The following SMIM36 variants were observed in gnomAD, a reference collection of about 807,000 sequenced individuals.
SMIM36 encodes the protein small integral membrane protein 36.
chr17:55,501,436 TATTATAAAATATAATATATTATTATA>T (rs1909972794), intron 1 of SMIM36, among the ~76,000 whole-genome samples: 1 of 69,640 alleles, frequency 1.4e-5, no homozygotes, highest in African/African-American at 6.5e-5. Context: ...TATTATTATA[TATTATAAAATATAATATATTATTATA>T]TATTATATTT....
intron 1 of SMIM36, among the ~76,000 whole-genome samples, chr17:55,501,557 CATT>C (rs1309410209): frequency 1.1e-4 from 12 of 112,278 alleles, no homozygotes; most frequent in African/African-American, 3.9e-4. Flanking sequence ...TTATATATAT[CATT>C]ATATACATAA....
At chr17:55,499,696 TA>T (rs1909874151) in intron 1 of SMIM36, among the ~76,000 whole-genome samples, 1 of 152,082 alleles carries the variant, frequency 6.6e-6, no homozygotes, top group African/African-American at 2.4e-5. Flanking sequence ...AGTAATGAAT[TA>T]AAACATACTG....
At chr17:55,456,916 C>A (rs1379824816) in intron 4 of SMIM36, among the ~76,000 whole-genome samples, 1 of 152,132 alleles carries the variant, frequency 6.6e-6, no homozygotes, top group Non-Finnish European at 1.5e-5. Flanking sequence ...ATAGGCCATG[C>A]CCTTTAGTCT....
intron 1 of SMIM36, among the ~76,000 whole-genome samples, chr17:55,487,719 C>G (rs1417554046): frequency 6.6e-6 from 1 of 152,138 alleles, no homozygotes; most frequent in Non-Finnish European, 1.5e-5. Flanking sequence ...CTTCTCTTCC[C>G]TCCAGCAGTA....
At chr17:55,531,469 A>G in the SMIM36 span, among the ~76,000 whole-genome samples, 2 of 152,126 alleles carry the variant, frequency 1.3e-5, no homozygotes, top group African/African-American at 4.8e-5. Flanking sequence ...CATTGTGACC[A>G]TTTGTTATTC....
the SMIM36 span, among the ~76,000 whole-genome samples, chr17:55,525,981 G>T: frequency 1.4e-5 from 2 of 139,358 alleles, no homozygotes; most frequent in African/African-American, 5.1e-5. Flanking sequence ...GATTTGTTTT[G>T]ATTTGGGAAA....
intron 3 of SMIM36, among the ~76,000 whole-genome samples, chr17:55,471,074 T>C (rs1489863491): frequency 6.6e-6 from 1 of 152,080 alleles, no homozygotes. Flanking sequence ...AACTCACTAT[T>C]CTGTTATTGA....
At chr17:55,528,545 C>A in the SMIM36 span, among the ~76,000 whole-genome samples, 1 of 148,730 alleles carries the variant, frequency 6.7e-6, no homozygotes, top group Non-Finnish European at 1.5e-5. Flanking sequence ...CTTTTTTTTT[C>A]TTTTCTTTTC....
intron 1 of SMIM36, among the ~76,000 whole-genome samples, chr17:55,492,518 GA>G (rs1909731473): frequency 6.6e-6 from 1 of 150,966 alleles, no homozygotes; most frequent in South Asian, 2.1e-4. Context: ...TCAGCCTCCC[GA>G]AGTGCTGGGA....
At chr17:55,461,272 C>T (rs755632637) in intron 4 of SMIM36, among the ~76,000 whole-genome samples, 6 of 152,168 alleles carry the variant, frequency 3.9e-5, no homozygotes, top group Non-Finnish European at 7.3e-5. Context: ...TTCCTTCTGT[C>T]TTTTCTCTTG....
intron 1 of SMIM36, among the ~76,000 whole-genome samples, chr17:55,490,571 T>G (rs1361803034): frequency 6.6e-6 from 1 of 152,156 alleles, no homozygotes; most frequent in African/African-American, 2.4e-5. Context: ...GAGTGAGAAG[T>G]GAGCCAAATC....
intron 1 of SMIM36, among the ~76,000 whole-genome samples, chr17:55,491,247 C>CAAAAA (rs1206937453): frequency 1.3e-4 from 7 of 52,820 alleles, no homozygotes; most frequent in Middle Eastern, 0.015. Flanking sequence ...GTCTCCTCAC[C>CAAAAA]AAAAAAAAAA....
chr17:55,494,549 G>A (rs1016561280), intron 1 of SMIM36, among the ~76,000 whole-genome samples: 7 of 152,168 alleles, frequency 4.6e-5, no homozygotes, highest in African/African-American at 1.7e-4. Context: ...TGGTGGAGTG[G>A]TGCAGAGCCG....
At chr17:55,475,412 C>T (rs577526825) in intron 3 of SMIM36, among the ~76,000 whole-genome samples, 1 of 152,286 alleles carries the variant, frequency 6.6e-6, no homozygotes, top group African/African-American at 2.4e-5. Context: ...TTATGCCACC[C>T]TCTAACTCTC....
chr17:55,514,458 AG>A (rs1372067292), upstream of SMIM36, among the ~76,000 whole-genome samples: 2 of 152,232 alleles, frequency 1.3e-5, no homozygotes, highest in Non-Finnish European at 2.9e-5. Context: ...TAGAGCTCAG[AG>A]GAAAAAAGGA....
chr17:55,493,753 T>A (rs1184767425), intron 1 of SMIM36, among the ~76,000 whole-genome samples: 21 of 136,306 alleles, frequency 1.5e-4, no homozygotes, highest in Non-Finnish European at 9.0e-5. Flanking sequence ...AAGGCTCCAG[T>A]GACCCGAGAT....
chr17:55,491,592 TC>T (rs1250130833), intron 1 of SMIM36, among the ~76,000 whole-genome samples: 1 of 152,168 alleles, frequency 6.6e-6, no homozygotes, highest in Non-Finnish European at 1.5e-5. Flanking sequence ...TTAATTAAGT[TC>T]TAGCTAATGA....
At chr17:55,528,220 A>G in the SMIM36 span, 1 of 152,282 alleles carries the variant, frequency 6.6e-6, no homozygotes, top group East Asian at 1.9e-4. Flanking sequence ...GAGGCACAAT[A>G]ATAAATGCCT....
intron 3 of SMIM36, among the ~76,000 whole-genome samples, chr17:55,469,717 C>G (rs557054182): frequency 6.6e-6 from 1 of 152,306 alleles, no homozygotes; most frequent in African/African-American, 2.4e-5. Context: ...CAGTGGCTCA[C>G]GCCTGTAATC....
Sources: allele counts gnomAD v4.1 joint callset (sites outside exome capture counted in the v4.1 genomes callset), GRCh38; gene constraint gnomAD v4.1.1; transcripts MANE v1.5; gene names NCBI Gene and HGNC (gene_info 2026-07-23, HGNC 2026-07-21).